Variants in AR observed in about 807,000 individuals in gnomAD.
AR encodes the protein dihydrotestosterone receptor.
In AR, 8 loss-of-function variants were observed where a neutral mutation model predicts 53.9. The ratio of observed to expected loss-of-function variants is 0.15; its 90% confidence interval spans 0.09 to 0.27. The LOEUF is 0.27. AR is among the 10% of genes least tolerant of loss of function. AR has a pLI of 1.00. For missense variants in AR, 639 were observed against 742.5 expected, an observed-to-expected ratio of 0.86 and a Z score of 1.62; for synonymous variants, 359 against 316.4, an observed-to-expected ratio of 1.13 and a Z score of -1.43.
chrX:67,730,114 G>A lies in AR; in HGVS notation c.*6273G>A. The A allele has an allele frequency of 5.7e-6, 1 of 175,325 alleles. No homozygotes were observed. The highest frequency in any genetic ancestry group is 8.0e-5 in the East Asian group (1 of 12,426). The allele number at this position is 175,325 out of a possible 1,213,427, so 14.4% of individuals were successfully genotyped here. ...TGCTGTCCTTGGAATTAATCTGGCA[G>A]CAGGAGGGAGCAGACTATGTAAACA... On this transcript the variant is annotated 3_prime_UTR_variant, in exon 8 of 8. Transcript: ENST00000374690.
At chrX:67,584,998 G>GTAA (rs965421273) in intron 1 of AR, among the ~76,000 whole-genome samples, 5 of 111,829 alleles carry the variant, frequency 4.5e-5, no homozygotes, top group Non-Finnish European at 9.4e-5. Context: ...GCTCACGACT[G>GTAA]TAATCCCAGC....
At chrX:67,647,841 T>G (rs1235713783) in intron 2 of AR, among the ~76,000 whole-genome samples, 1 of 112,312 alleles carries the variant, frequency 8.9e-6, no homozygotes, top group Non-Finnish European at 1.9e-5. Flanking sequence ...ATACTGGAAC[T>G]AATGGGAGTA....
At chrX:67,650,673 T>G (rs1926292674) in intron 2 of AR, among the ~76,000 whole-genome samples, 1 of 112,488 alleles carries the variant, frequency 8.9e-6, no homozygotes, top group African/African-American at 3.2e-5. Context: ...TCTTCATAGC[T>G]AGGCAGCTGC....
At chrX:67,649,822 A>C in intron 2 of AR, among the ~76,000 whole-genome samples, 1 of 111,975 alleles carries the variant, frequency 8.9e-6, no homozygotes, top group Non-Finnish European at 1.9e-5. Context: ...CTCATTCTGT[A>C]GGTTGGTTGT....
intron 1 of AR, among the ~76,000 whole-genome samples, chrX:67,577,947 T>G (rs969760576): frequency 9.0e-6 from 1 of 111,699 alleles, no homozygotes; most frequent in African/African-American, 3.3e-5. Flanking sequence ...GTGTTACATA[T>G]CTTAGCTGCA....
At chrX:67,665,934 T>G (rs765374280) in intron 2 of AR, among the ~76,000 whole-genome samples, 1 of 111,490 alleles carries the variant, frequency 9.0e-6, no homozygotes, top group South Asian at 3.8e-4. Context: ...TTTATTTTTG[T>G]GGGTACAAAG....
chrX:67,639,370 T>TAACCCA (rs1925624441), intron 1 of AR, among the ~76,000 whole-genome samples: 1 of 111,908 alleles, frequency 8.9e-6, no homozygotes, highest in South Asian at 3.7e-4. Flanking sequence ...CATTGGCAGC[T>TAACCCA]TGATGGGGTT....
At chrX:67,648,252 T>G (rs1926149579) in intron 2 of AR, among the ~76,000 whole-genome samples, 1 of 111,761 alleles carries the variant, frequency 8.9e-6, no homozygotes, top group Non-Finnish European at 1.9e-5. Flanking sequence ...AATGATCTAG[T>G]AGATCACTCC....
chrX:67,613,341 G>A (rs1030070679), intron 1 of AR, among the ~76,000 whole-genome samples: 15 of 111,406 alleles, frequency 1.3e-4, no homozygotes, highest in Non-Finnish European at 2.5e-4. Flanking sequence ...GAACTCCACA[G>A]TTCTCCCTGA....
At chrX:67,650,843 G>T (rs2147447076) in intron 2 of AR, among the ~76,000 whole-genome samples, 1 of 111,811 alleles carries the variant, frequency 8.9e-6, no homozygotes, top group African/African-American at 3.2e-5. Context: ...GCACTCCAGT[G>T]AAATCACTAT....
intron 1 of AR, among the ~76,000 whole-genome samples, chrX:67,631,063 G>T (rs1436549059): frequency 9.0e-6 from 1 of 111,221 alleles, no homozygotes; most frequent in African/African-American, 3.3e-5. Context: ...CTCTCTGGCT[G>T]CCCTTAACAT....
At chrX:67,594,548 T>A (rs961763283) in intron 1 of AR, among the ~76,000 whole-genome samples, 5 of 112,091 alleles carry the variant, frequency 4.5e-5, no homozygotes, top group Non-Finnish European at 9.4e-5. Flanking sequence ...TTACAAAAAA[T>A]TTACTATACA....
chrX:67,552,884 GT>G (rs1387600342), intron 1 of AR, among the ~76,000 whole-genome samples: 2 of 111,524 alleles, frequency 1.8e-5, no homozygotes, highest in Non-Finnish European at 3.8e-5. Context: ...TTTTAGTTGG[GT>G]TTTTTATTAT....
At chrX:67,692,332 G>A (rs1233983021) in intron 3 of AR, among the ~76,000 whole-genome samples, 1 of 112,673 alleles carries the variant, frequency 8.9e-6, no homozygotes, top group African/African-American at 3.2e-5. Context: ...GAGAAGTGCT[G>A]CTTCCTACCC....
chrX:67,678,288 TAG>T (rs2075912605), intron 2 of AR, among the ~76,000 whole-genome samples: 1 of 111,891 alleles, frequency 8.9e-6, no homozygotes, highest in South Asian at 3.7e-4. Flanking sequence ...CTGATTTATA[TAG>T]AGAGTTTCTA....
At chrX:67,625,943 T>C (rs1001910416) in intron 1 of AR, among the ~76,000 whole-genome samples, 4 of 111,213 alleles carry the variant, frequency 3.6e-5, no homozygotes, top group Non-Finnish European at 5.7e-5. Flanking sequence ...AATTTTGTTG[T>C]GGGTACAAAG....
chrX:67,690,570 G>A (rs2075990492), intron 3 of AR, among the ~76,000 whole-genome samples: 1 of 111,741 alleles, frequency 8.9e-6, no homozygotes, highest in Admixed American at 9.6e-5. Context: ...CATCCTTCCA[G>A]CCAGCCAAGA....
chrX:67,564,684 G>A (rs1465359166), intron 1 of AR, among the ~76,000 whole-genome samples: 1 of 111,930 alleles, frequency 8.9e-6, no homozygotes, highest in Non-Finnish European at 1.9e-5. Flanking sequence ...TAGCATGGAA[G>A]TGTCAGGTTG....
intron 1 of AR, among the ~76,000 whole-genome samples, chrX:67,641,331 C>T (rs896154089): frequency 9.0e-6 from 1 of 111,713 alleles, no homozygotes; most frequent in African/African-American, 3.3e-5. Context: ...AATGGCCTGG[C>T]ATATAGAGTG....
Sources: gnomAD v4.1 joint callset for allele counts (sites outside exome capture counted in the v4.1 genomes callset) on GRCh38, gnomAD v4.1.1 for gene constraint, MANE v1.5 for transcripts, NCBI Gene and HGNC (gene_info 2026-07-23, HGNC 2026-07-21) for gene names.